ATP8B2: variants seen among roughly 807,000 people sequenced by gnomAD.
ATP8B2 encodes phospholipid-transporting ATPase ID.
Under a neutral mutation model 133.4 loss-of-function variants are expected in ATP8B2, and 70 were observed. The observed-to-expected ratio is 0.52, with a 90% CI of 0.43 to 0.64. The LOEUF is 0.64. ATP8B2 is among the 30% of genes least tolerant of loss of function. The pLI, the probability that ATP8B2 is intolerant of heterozygous loss-of-function variation, is 0.00. For synonymous variants in ATP8B2, 517 were observed against 589.5 expected (o/e 0.88, Z 1.78); for missense variants, 1,101 against 1,535.7 (o/e 0.72, Z 4.73).
rs773299052 is a variant in ATP8B2, at chr1:154,344,161, A to G, written c.1942A>G (p.Ile648Val). The G allele has an allele frequency of 1.2e-6, 2 of 1,614,234 alleles. No individual in the cohort carries two copies. Among genetic ancestry groups the G allele is most frequent in the Admixed American group, 1.7e-5 (1 of 60,026 alleles). Residue 648 changes from isoleucine to valine, a missense_variant, in exon 19 of 28, where the codon ATT (isoleucine) becomes GTT (valine). Physicochemically the swap from Ile to Val is conservative, Grantham distance 29. Transcript: ENST00000368489. This position sits in a 1 kb window ranked among gnomAD's most constrained non-coding sequence, Gnocchi z 4.1. ...TTTTCAGCTGCTGGGTGCAACGGCC[A>G]TTGAGGACAAACTTCAGCAAGGGGT... The part of the protein sequence containing the change: ...NNMMLLGATA[I>V]EDKLQQGVPE...
Position 154,337,354 on chromosome 1 carries a change from G to A in ATP8B2, c.844G>A (p.Gly282Arg). The change falls in exon 12 of 28, where the codon GGA becomes AGA. Residue 282 changes from glycine (G) to arginine (R), a missense_variant. Physicochemically the swap from Gly to Arg is moderately radical, Grantham distance 125. Coordinates refer to ENST00000368489, the MANE Select transcript of ATP8B2 (RefSeq NM_001370597.1). ...GCTTCTCATTCCTCCCCAGATTTTTGGATTCCTGGTTTGCATGGGGGTGAT... is the reference window on the plus strand; with the variant it reads ...GCTTCTCATTCCTCCCCAGATTTTTAGATTCCTGGTTTGCATGGGGGTGAT... Reference protein sequence around the residue: ...LMNTLVLWIFGFLVCMGVILA... With the variant: ...LMNTLVLWIFRFLVCMGVILA... The A allele has an allele frequency of 6.2e-7, 1 of 1,609,282 alleles. No homozygotes were observed. Among genetic ancestry groups the A allele is most frequent in the Non-Finnish European group, 8.5e-7 (1 of 1,177,176 alleles).
rs752495740 is a variant in ATP8B2 at position 154,343,667 on chromosome 1, A to G, written c.1758+99A>G. ...TTATTGTGTAAATTTAAGGTCTACA[A>G]CGTGATGTTTTGATGTGTATATATA... On this transcript the variant is annotated intron_variant, in intron 17 of 27. Transcript: ENST00000368489. This position sits in a 1 kb window ranked among gnomAD's most constrained non-coding sequence, Gnocchi z 5.8. The G allele has an allele frequency of 1.7e-6, 2 of 1,205,610 alleles. No individual in the cohort carries two copies. Among genetic ancestry groups the G allele is most frequent in the Admixed American group, 2.0e-5 (1 of 50,894 alleles). 74.7% of individuals were successfully genotyped at this position (1,205,610 alleles called of 1,614,324 possible).
chr1:154,338,567 G>A (rs1328871804), intron 12 of ATP8B2, among the ~76,000 whole-genome samples: 2 of 152,114 alleles, frequency 1.3e-5, no homozygotes, highest in Non-Finnish European at 2.9e-5. Context: ...GGCTAAGGTA[G>A]GAGAATCGCT....
In ATP8B2 at chr1:154,342,501, G is replaced by A; in HGVS notation, c.1265G>A (p.Gly422Glu). The A allele has an allele frequency of 6.2e-7, 1 of 1,613,920 alleles. No homozygotes were observed. Among genetic ancestry groups the A allele is most frequent in the South Asian group, 1.1e-5 (1 of 91,068 alleles). The part of the protein sequence containing the change: ...HSYGDVFDVL[G>E]HKAELGERPE... ...GTAGGTGATGTGTTTGACGTCCTGGGACACAAAGCTGAATTGGGAGAGGTA... is the reference window on the plus strand; with the variant it reads ...GTAGGTGATGTGTTTGACGTCCTGGAACACAAAGCTGAATTGGGAGAGGTA... The change falls in exon 14 of 28, where the codon GGA becomes GAA. Residue 422 changes from glycine to glutamate, a missense_variant. By Grantham distance (98) the Gly-to-Glu change is moderately conservative. Coordinates refer to ENST00000368489, the MANE Select transcript of ATP8B2 (RefSeq NM_001370597.1).
Position 154,344,212 on chromosome 1 carries a change from C to G in ATP8B2, c.1993C>G (p.Leu665Val), listed in dbSNP as rs1470357014. The part of the protein sequence containing the change: ...GVPETIALLT[L>V]ANIKIWVLTG... ...TCCAGAGACCATTGCCCTCCTGACACTGGCCAACATCAAGATTTGGGTGCT... is the reference window on the plus strand; with the variant it reads ...TCCAGAGACCATTGCCCTCCTGACAGTGGCCAACATCAAGATTTGGGTGCT... Residue 665 changes from leucine (L) to valine (V), a missense_variant, in exon 19 of 28, where the codon CTG becomes GTG. Leu to Val is a conservative substitution (Grantham distance 32). Transcript: ENST00000368489. The surrounding 1 kb of genome is among the most constrained non-coding windows in gnomAD (Gnocchi z 4.1). 6.2e-7 allele frequency: 1 copy of G among 1,614,210 alleles called. No individual in the cohort carries two copies. The highest frequency in any genetic ancestry group is 2.2e-5 in the East Asian group (1 of 44,888).
rs771517859 is a variant in ATP8B2 at position 154,345,176 on chromosome 1, G to A, written c.2470+22G>A. 2 of 1,608,766 alleles carry A rather than the reference G, an allele frequency of 1.2e-6. No individual in the cohort carries two copies. The highest frequency in any genetic ancestry group is 2.2e-5 in the East Asian group (1 of 44,792). The stretch of plus-strand genomic sequence containing the variant: ...AAAAGTGAGTGTGGGCTGTGCAGGT[G>A]TGTAGGCTGGGCTTGAGGCTGGGGA... On this transcript the variant is annotated intron_variant, in intron 22 of 27. Coordinates refer to ENST00000368489, the MANE Select transcript of ATP8B2 (RefSeq NM_001370597.1). This position sits in a 1 kb window ranked among gnomAD's most constrained non-coding sequence, Gnocchi z 5.6.
chr1:154,331,535 G>A lies in ATP8B2; in HGVS notation c.365+30G>A. 1 of 1,613,736 alleles carries A rather than the reference G, an allele frequency of 6.2e-7. No individual in the cohort carries two copies. The highest frequency in any genetic ancestry group is 8.5e-7 in the Non-Finnish European group (1 of 1,179,640). The stretch of plus-strand genomic sequence containing the variant: ...GTGCCTGTTGGAGACAAGAGCTCTG[G>A]GGACGAAGGGGGTCCCTTAGGAACC... On this transcript the variant is annotated intron_variant, in intron 6 of 27. Coordinates refer to ENST00000368489, the MANE Select transcript of ATP8B2 (RefSeq NM_001370597.1). The surrounding 1 kb of genome is among the most constrained non-coding windows in gnomAD (Gnocchi z 4.8).
At chr1:154,325,891 G>C (rs531588961) in intron 1 of ATP8B2, among the ~76,000 whole-genome samples, 189 bp downstream of exon 1, 2 of 152,266 alleles carry the variant, frequency 1.3e-5, no homozygotes, top group South Asian at 4.1e-4. Context: ...ACGAGGGGCT[G>C]TCGGGTTCCC....
At chr1:154,348,042 AT>A (rs1227420101) in intron 26 of ATP8B2, among the ~76,000 whole-genome samples, 4 of 152,140 alleles carry the variant, frequency 2.6e-5, no homozygotes, top group African/African-American at 7.2e-5. Context: ...TTAAAAAAAA[AT>A]TTTTACAGAA....
At position 154,330,377 on chromosome 1, in the gene ATP8B2, C is replaced by CA. The variant is rs11430764; in HGVS notation, c.32-18dup. On this transcript the variant is annotated intron_variant, in intron 2 of 27. Transcript: ENST00000368489. ...GACCTCAGTTTGCTCCTCCTGACTG[C>CA]AGCATCATTTTGTTGCAGAAGAAGA... is the stretch of plus-strand genomic sequence containing the variant. 3,393 of 1,612,960 alleles carry CA rather than the reference C, an allele frequency of 2.1e-3. 63 individuals are homozygous for CA. The African/African-American group carries it at 0.041, about 19-fold the overall frequency.
rs779647764 is a variant in ATP8B2, at chr1:154,346,644, A to G, written c.3049A>G (p.Thr1017Ala). The change falls in exon 26 of 28, where the codon ACG becomes GCG. Residue 1017 changes from threonine (T) to alanine (A), a missense_variant. By Grantham distance (58) the Thr-to-Ala change is moderately conservative. Coordinates refer to ENST00000368489, the MANE Select transcript of ATP8B2 (RefSeq NM_001370597.1). The surrounding 1 kb of genome is among the most constrained non-coding windows in gnomAD (Gnocchi z 4.5). ...VQIGLDTGYWTAINHFFIWGS... is the reference protein window; with the variant it reads ...VQIGLDTGYWAAINHFFIWGS... ...GATTGGGCTCGACACAGGCTACTGG[A>G]CGGCCATCAACCACTTCTTCATCTG... The G allele has an allele frequency of 1.9e-6, 3 of 1,614,088 alleles. No individual in the cohort carries two copies. The highest frequency in any genetic ancestry group is 1.7e-5 in the Admixed American group (1 of 60,006).
chr1:154,346,203 C>T lies in ATP8B2; in HGVS notation c.2779-28C>T. On this transcript the variant is annotated intron_variant, in intron 24 of 27. Coordinates refer to ENST00000368489, the MANE Select transcript of ATP8B2 (RefSeq NM_001370597.1). The surrounding 1 kb of genome is among the most constrained non-coding windows in gnomAD (Gnocchi z 4.5). ...GGTCAAAACGGCAACCTCTGAGGCC[C>T]CCTATGCTACATGGTCCTCCCACAC... 1 of 1,608,336 alleles carries T rather than the reference C, an allele frequency of 6.2e-7. No homozygotes were observed. The highest frequency in any genetic ancestry group is 8.5e-7 in the Non-Finnish European group (1 of 1,177,284).
chr1:154,331,799 C>CCCCTGGTGTG lies in ATP8B2; in HGVS notation c.438+121_438+122insCCCTGGTGTG. The CCCCTGGTGTG allele has an allele frequency of 7.6e-7, 1 of 1,313,028 alleles. No individual in the cohort carries two copies. Among genetic ancestry groups the CCCCTGGTGTG allele is most frequent in the Non-Finnish European group, 1.1e-6 (1 of 911,002 alleles). 81.3% of individuals were successfully genotyped at this position (1,313,028 alleles called of 1,614,324 possible). ...CCCGTGGCAGGAATCTTTCTCACAC[C>CCCCTGGTGTG]AGGGGCTTCTGTGTCATGCTGATAT... On this transcript the variant is annotated intron_variant, in intron 7 of 27. Transcript: ENST00000368489. This position sits in a 1 kb window ranked among gnomAD's most constrained non-coding sequence, Gnocchi z 4.8.
At position 154,332,536 on chromosome 1, in the gene ATP8B2, C is replaced by T. The variant is rs574954079; in HGVS notation, c.510-82C>T. On this transcript the variant is annotated intron_variant, in intron 8 of 27. Coordinates refer to ENST00000368489, the MANE Select transcript of ATP8B2 (RefSeq NM_001370597.1). ...TTGTGCGACTGCACTCCAGCCTGAG[C>T]AGCAGAGCGAGACCCCATCTGTGAA... The T allele has an allele frequency of 7.9e-6, 9 of 1,133,540 alleles. No individual in the cohort carries two copies. The Admixed American group carries it at 1.6e-4, about 20-fold the overall frequency. 70.2% of individuals were successfully genotyped at this position (1,133,540 alleles called of 1,614,324 possible). A position where few individuals can be genotyped will look rare whatever the true frequency, so the allele number is the denominator to read the frequency against.
At chr1:154,326,364 G>A (rs1053880738) in intron 1 of ATP8B2, among the ~76,000 whole-genome samples, 2 of 152,250 alleles carry the variant, frequency 1.3e-5, no homozygotes, top group African/African-American at 4.8e-5. Flanking sequence ...AGCAGGGACC[G>A]GACCTATAGG....
Position 154,328,247 on chromosome 1 carries a change from A to T in ATP8B2, c.31+75A>T. On this transcript the variant is annotated intron_variant, in intron 2 of 27. Coordinates refer to ENST00000368489, the MANE Select transcript of ATP8B2 (RefSeq NM_001370597.1). This position sits in a 1 kb window ranked among gnomAD's most constrained non-coding sequence, Gnocchi z 4.6. Reference sequence around the variant, plus strand: ...TGTTATGGCTCAGGGAGCAAAAGGAAAAGGGACAACTGGTATGGGTCTGAG... The same window carrying T: ...TGTTATGGCTCAGGGAGCAAAAGGATAAGGGACAACTGGTATGGGTCTGAG... 1 of 1,471,670 alleles carries T rather than the reference A, an allele frequency of 6.8e-7. No homozygotes were observed. Among genetic ancestry groups the T allele is most frequent in the Non-Finnish European group, 9.5e-7 (1 of 1,052,100 alleles). The allele number at this position is 1,471,670 out of a possible 1,614,324, so 91.2% of individuals were successfully genotyped here.
chr1:154,346,531 C>T lies in ATP8B2; in HGVS notation c.3024+55C>T, dbSNP rs999107105. The T allele has an allele frequency of 6.2e-7, 1 of 1,605,726 alleles. No individual in the cohort carries two copies. Among genetic ancestry groups the T allele is most frequent in the African/African-American group, 1.3e-5 (1 of 74,768 alleles). On this transcript the variant is annotated intron_variant, in intron 25 of 27. Coordinates refer to ENST00000368489, the MANE Select transcript of ATP8B2 (RefSeq NM_001370597.1). This position sits in a 1 kb window ranked among gnomAD's most constrained non-coding sequence, Gnocchi z 4.5. The stretch of plus-strand genomic sequence containing the variant: ...CTCTGGAAGGAGTGAGCCTTCTGTC[C>T]CTGGGGCTGCCCTGGGCACCACAGT...
rs1441649138 is a variant in ATP8B2 at position 154,343,009 on chromosome 1, G to C, written c.1453+48G>C. ...ACTCTCCTGACCTGACTCTGCCCTT[G>C]GGCTCTGCTCTGCTCTGCAATGCGG... is the stretch of plus-strand genomic sequence containing the variant. On this transcript the variant is annotated intron_variant, in intron 15 of 27. Transcript: ENST00000368489. The surrounding 1 kb of genome is among the most constrained non-coding windows in gnomAD (Gnocchi z 5.8). 6.2e-7 allele frequency: 1 copy of C among 1,606,316 alleles called. No individual in the cohort carries two copies. The highest frequency in any genetic ancestry group is 8.5e-7 in the Non-Finnish European group (1 of 1,175,344).
Position 154,346,428 on chromosome 1 carries a change from C to T in ATP8B2, c.2976C>T (p.Ser992=). 1 of 1,614,140 alleles carries T rather than the reference C, an allele frequency of 6.2e-7. No individual in the cohort carries two copies. The highest frequency in any genetic ancestry group is 1.1e-5 in the South Asian group (1 of 91,076). ...DDGTQLADYQ[S]FAVTVATSLV... is the part of the protein sequence containing the mutation. ...GCACTCAGCTGGCTGACTACCAGTC[C>T]TTTGCAGTCACTGTGGCCACATCCT... Residue 992 remains serine, a synonymous_variant, in exon 25 of 28, where the codon TCC becomes TCT. Transcript: ENST00000368489. This position sits in a 1 kb window ranked among gnomAD's most constrained non-coding sequence, Gnocchi z 4.5.
Sources: allele counts gnomAD v4.1 joint callset (sites outside exome capture counted in the v4.1 genomes callset), GRCh38; gene constraint gnomAD v4.1.1; non-coding constraint Gnocchi (gnomAD v3.1); transcripts MANE v1.5; gene names NCBI Gene and HGNC (gene_info 2026-07-23, HGNC 2026-07-21).